The following PLXDC2 variants were observed in gnomAD, a reference collection of about 807,000 sequenced individuals.
PLXDC2 encodes the protein plexin domain-containing protein 2.
A neutral mutation model predicts 68.9 loss-of-function variants in PLXDC2; 40 were observed. That is an observed-to-expected ratio of 0.58 (90% CI 0.45 to 0.76). The LOEUF is 0.76. Among genes scored for constraint, PLXDC2 ranks in the 30% least tolerant of loss-of-function variants. The probability of loss-of-function intolerance (pLI) is 0.00; values close to 1 mark genes in which losing one functional copy is unlikely to be tolerated. For synonymous variants in PLXDC2, 243 were observed against 234.2 expected (o/e 1.04, Z -0.34); for missense variants, 644 against 661.9 (o/e 0.97, Z 0.30).
At chr10:20,165,754 A>C (rs887315281) in intron 7 of PLXDC2, among the ~76,000 whole-genome samples, 1 of 152,156 alleles carries the variant, frequency 6.6e-6, no homozygotes, top group East Asian at 1.9e-4. Context: ...CATCTAGTCT[A>C]GTTTACATTT....
At chr10:20,123,765 G>A (rs1383651578) in intron 4 of PLXDC2, among the ~76,000 whole-genome samples, 14 of 151,846 alleles carry the variant, frequency 9.2e-5, no homozygotes, top group African/African-American at 1.5e-4. Flanking sequence ...GTCAGGGCAC[G>A]GAAATAAGGG....
intron 1 of PLXDC2, among the ~76,000 whole-genome samples, chr10:19,869,804 C>T (rs1379993364): frequency 6.6e-6 from 1 of 151,516 alleles, no homozygotes; most frequent in African/African-American, 2.4e-5. Flanking sequence ...TTTTAACTCC[C>T]CCACCACCCA....
intron 4 of PLXDC2, among the ~76,000 whole-genome samples, chr10:20,080,236 G>A (rs899803130): frequency 6.6e-6 from 1 of 152,174 alleles, no homozygotes; most frequent in African/African-American, 2.4e-5. Flanking sequence ...CCATGAGAGA[G>A]CTGAGATTGC....
chr10:19,970,898 C>T (rs1834340954), intron 1 of PLXDC2, among the ~76,000 whole-genome samples: 1 of 152,132 alleles, frequency 6.6e-6, no homozygotes, highest in Admixed American at 6.6e-5. Flanking sequence ...CTAGACTAAA[C>T]ATGTTCTTCC....
intron 1 of PLXDC2, among the ~76,000 whole-genome samples, chr10:19,953,186 A>T (rs572627751): frequency 4.3e-4 from 65 of 152,322 alleles, no homozygotes; most frequent in African/African-American, 1.4e-3. Context: ...TATTATAGCC[A>T]TCGTTTTCAG....
chr10:19,849,554 T>C (rs749397131), intron 1 of PLXDC2, among the ~76,000 whole-genome samples: 17 of 152,124 alleles, frequency 1.1e-4, no homozygotes, highest in Admixed American at 3.9e-4. Context: ...AGTGATCTGA[T>C]GGCTTTATAG....
chr10:20,112,521 C>T (rs183771905), intron 4 of PLXDC2, among the ~76,000 whole-genome samples: 52 of 152,284 alleles, frequency 3.4e-4, no homozygotes, highest in African/African-American at 1.2e-3. Flanking sequence ...TTCAGTGAGA[C>T]AGTATCCCAT....
chr10:20,175,818 T>G (rs1009175688), intron 7 of PLXDC2, among the ~76,000 whole-genome samples: 1 of 152,140 alleles, frequency 6.6e-6, no homozygotes, highest in African/African-American at 2.4e-5. Context: ...TGGGAGACCC[T>G]GTCTCAAAAA....
intron 6 of PLXDC2, among the ~76,000 whole-genome samples, chr10:20,158,274 C>G (rs532020324): frequency 3.9e-5 from 6 of 152,026 alleles, no homozygotes; most frequent in Admixed American, 3.3e-4. Context: ...TTTGGCACTT[C>G]ATATCCTTCT....
chr10:20,212,396 G>A (rs528585058), intron 10 of PLXDC2, among the ~76,000 whole-genome samples: 1 of 152,062 alleles, frequency 6.6e-6, no homozygotes, highest in African/African-American at 2.4e-5. Flanking sequence ...CAGTGAAGTC[G>A]TGTAAGCAAT....
At chr10:20,071,911 G>C (rs1304309081) in intron 4 of PLXDC2, among the ~76,000 whole-genome samples, 2 of 152,198 alleles carry the variant, frequency 1.3e-5, no homozygotes, top group South Asian at 4.1e-4. Context: ...TTCCAGACAA[G>C]GGGATGCTGA....
At chr10:20,090,032 GCACCGCAGAGTGTCAA>G (rs1833255554) in intron 4 of PLXDC2, among the ~76,000 whole-genome samples, 1 of 152,044 alleles carries the variant, frequency 6.6e-6, no homozygotes, top group African/African-American at 2.4e-5. Flanking sequence ...ATTGCCAGTG[GCACCGCAGAGTGTCAA>G]GGAAGCTGGC....
chr10:20,089,232 G>A lies in PLXDC2; in HGVS notation c.541+20993G>A, dbSNP rs1031819492. ...TGTGTGTGTTTAAATACAATGTAGA[G>A]ATGTTAGCAAAGGCTTTGCAAGCTC... is the stretch of plus-strand genomic sequence containing the variant. On this transcript the variant is annotated intron_variant, in intron 4 of 13. Coordinates refer to ENST00000377252, the MANE Select transcript of PLXDC2 (RefSeq NM_032812.9). Among the ~76,000 whole-genome samples, 4 of 151,028 alleles carry A rather than the reference G, an allele frequency of 2.6e-5. No individual in the cohort carries two copies. The East Asian group carries it at 7.7e-4, about 29-fold the overall frequency.
At chr10:20,200,433 G>T (rs1834901696) in intron 9 of PLXDC2, among the ~76,000 whole-genome samples, 1 of 151,968 alleles carries the variant, frequency 6.6e-6, no homozygotes, top group African/African-American at 2.4e-5. Context: ...AATGACATAA[G>T]TAATCTCATA....
intron 1 of PLXDC2, among the ~76,000 whole-genome samples, chr10:19,875,870 G>A (rs1837620248): frequency 6.6e-6 from 1 of 152,084 alleles, no homozygotes; most frequent in Admixed American, 6.5e-5. Context: ...TGTAAAATAT[G>A]GGACATTTTG....
At chr10:19,868,116 C>CT (rs1554841179) in intron 1 of PLXDC2, among the ~76,000 whole-genome samples, 1 of 151,964 alleles carries the variant, frequency 6.6e-6, no homozygotes, top group Non-Finnish European at 1.5e-5. Context: ...TGAAAAAGCT[C>CT]TTTTTTAACC....
chr10:19,869,481 A>AGGGGGG (rs1837491879), intron 1 of PLXDC2, among the ~76,000 whole-genome samples: 1 of 13,374 alleles, frequency 7.5e-5, no homozygotes, highest in African/African-American at 3.2e-4. Flanking sequence ...GGGGGGGGGG[A>AGGGGGG]GAGGGTGGGA....
At chr10:19,825,861 C>A (rs559590178) in intron 1 of PLXDC2, among the ~76,000 whole-genome samples, 54 of 152,254 alleles carry the variant, frequency 3.5e-4, no homozygotes, top group African/African-American at 1.2e-3. Flanking sequence ...TATATGCTGT[C>A]TTTTTGTTCA....
chr10:20,097,251 T>G (rs2131735654), intron 4 of PLXDC2, among the ~76,000 whole-genome samples: 1 of 152,310 alleles, frequency 6.6e-6, no homozygotes. Context: ...TTACGGTAAT[T>G]ACTGGAAGCA....
Sources: gnomAD v4.1 joint callset for allele counts (sites outside exome capture counted in the v4.1 genomes callset) on GRCh38, gnomAD v4.1.1 for gene constraint, MANE v1.5 for transcripts, NCBI Gene and HGNC (gene_info 2026-07-23, HGNC 2026-07-21) for gene names.